The following LGR4 variants were observed in gnomAD, a reference collection of about 807,000 sequenced individuals.
LGR4 encodes the protein leucine-rich repeat-containing G protein-coupled receptor 4.
In LGR4, 44 loss-of-function variants were observed where a neutral mutation model predicts 84.8. The ratio of observed to expected loss-of-function variants is 0.52; its 90% CI spans 0.41 to 0.67. The LOEUF (loss-of-function observed/expected upper bound fraction) is 0.67. Ranked by LOEUF, LGR4 falls within the 30% of genes least tolerant of loss-of-function variation. The pLI, the probability that LGR4 is intolerant of heterozygous loss-of-function variation, is 0.00. For missense variants in LGR4, 1,032 were observed against 1,131.4 expected (o/e 0.91, Z 1.26); for synonymous variants, 429 against 434.3 (o/e 0.99, Z 0.15).
intron 4 of LGR4, 32 bp downstream of exon 4, chr11:27,391,061 CT>C: frequency 1.5e-6 from 2 of 1,309,684 alleles, no homozygotes; most frequent in African/African-American, 3.0e-5. Context: ...AGAGTAGTCT[CT>C]TGGTGAGTCA....
intron 2 of LGR4, among the ~76,000 whole-genome samples, chr11:27,406,900 A>G (rs973422457): frequency 6.6e-6 from 1 of 152,188 alleles, no homozygotes; most frequent in African/African-American, 2.4e-5. Context: ...ACGTTAAGTG[A>G]GTCAAACTTT....
chr11:27,368,167 C>T lies in LGR4; in HGVS notation c.2556G>A (p.Gln852=), dbSNP rs147891940. 4.2e-5 allele frequency: 67 copies of T among 1,614,098 alleles called. No individual in the cohort carries two copies. Among genetic ancestry groups the T allele is most frequent in the Non-Finnish European group, 7.6e-6 (9 of 1,180,050 alleles). ...YYDCGMYSHL[Q]GNLTVCDCCE... ...AGCAGTCGCAAACAGTCAGGTTGCC[C>T]TGCAAATGTGAGTACATGCCACAGT... Residue 852 remains glutamine, a synonymous_variant, in exon 18 of 18, where the codon CAG becomes CAA. Transcript: ENST00000379214.
chr11:27,439,465 A>G (rs979711505), intron 1 of LGR4, among the ~76,000 whole-genome samples: 3 of 152,172 alleles, frequency 2.0e-5, no homozygotes, highest in Admixed American at 1.3e-4. Flanking sequence ...TGTTTATCCA[A>G]TTACCCATCA....
chr11:27,385,176 A>G (rs1411037018), intron 5 of LGR4, 77 bp downstream of exon 5: 2 of 1,069,380 alleles, frequency 1.9e-6, no homozygotes, highest in Admixed American at 5.1e-5. Flanking sequence ...ATGCCTTGAT[A>G]ATAATCTGTC....
intron 1 of LGR4, among the ~76,000 whole-genome samples, chr11:27,421,625 T>G (rs1863925570): frequency 6.6e-6 from 1 of 152,156 alleles, no homozygotes; most frequent in South Asian, 2.1e-4. Flanking sequence ...AATTACAAAT[T>G]CTTAAAAGGG....
intron 2 of LGR4, among the ~76,000 whole-genome samples, chr11:27,396,562 C>T (rs189136510): frequency 3.0e-4 from 45 of 151,908 alleles, no homozygotes; most frequent in Non-Finnish European, 5.6e-4. Context: ...TAGGCAACTC[C>T]GGAGGAAAAA....
chr11:27,454,839 C>T (rs1004006321), intron 1 of LGR4, among the ~76,000 whole-genome samples: 4 of 151,276 alleles, frequency 2.6e-5, no homozygotes, highest in Non-Finnish European at 2.9e-5. Flanking sequence ...ACAATTTCAA[C>T]AAAGTACTGA....
intron 1 of LGR4, among the ~76,000 whole-genome samples, chr11:27,413,869 TA>T (rs1374789141): frequency 1.3e-5 from 2 of 152,158 alleles, no homozygotes; most frequent in East Asian, 3.9e-4. Flanking sequence ...AATTTTCTTT[TA>T]AAGGAGGCGA....
rs1200969103 is a variant in LGR4, at chr11:27,472,406, G to A, written c.-104C>T. ...GGGCAGCCGGCCTGCGGGCTGGAGC[G>A]GGGGTCTCTTCCTCGGCGGTCCGCG... On this transcript the variant is annotated 5_prime_UTR_variant, in exon 1 of 18. Coordinates refer to ENST00000379214, the MANE Select transcript of LGR4 (RefSeq NM_018490.5). The A allele has an allele frequency of 1.3e-5, 12 of 942,826 alleles. No homozygotes were observed. Among genetic ancestry groups the A allele is most frequent in the Non-Finnish European group, 1.6e-5 (12 of 731,336 alleles). The allele number at this position is 942,826 out of a possible 1,614,324, so 58.4% of individuals were successfully genotyped here.
chr11:27,373,616 T>G lies in LGR4; in HGVS notation c.1314A>C (p.Gln438His), dbSNP rs769672645. 6.2e-7 allele frequency: 1 copy of G among 1,603,956 alleles called. No individual in the cohort carries two copies. The highest frequency in any genetic ancestry group is 8.5e-7 in the Non-Finnish European group (1 of 1,173,668). The change falls in exon 15 of 18, where the codon CAA (glutamine) becomes CAC (histidine). Residue 438 changes from glutamine to histidine, a missense_variant. Coordinates refer to ENST00000379214, the MANE Select transcript of LGR4 (RefSeq NM_018490.5). Reference sequence around the variant, plus strand: ...GCTTGAAGTTGCCCACAAGTTTCAGTTGATTTAGCCCATTCAGGCCTTCCG... The same window carrying G: ...GCTTGAAGTTGCCCACAAGTTTCAGGTGATTTAGCCCATTCAGGCCTTCCG... ...FPTEGLNGLN[Q>H]LKLVGNFKLK...
chr11:27,436,995 A>G (rs1864223382), intron 1 of LGR4, among the ~76,000 whole-genome samples: 1 of 152,126 alleles, frequency 6.6e-6, no homozygotes, highest in Non-Finnish European at 1.5e-5. Flanking sequence ...TTGGTTACTA[A>G]CTAGTTTTAA....
intron 1 of LGR4, among the ~76,000 whole-genome samples, chr11:27,454,649 T>G (rs955258510): frequency 4.0e-5 from 6 of 151,208 alleles, no homozygotes; most frequent in African/African-American, 1.5e-4. Flanking sequence ...TAATCCCAGC[T>G]ACATCAGGGG....
At chr11:27,373,322 AG>A (rs1164806176) in intron 15 of LGR4, 10 of 364,076 alleles carry the variant, frequency 2.7e-5, no homozygotes, top group Non-Finnish European at 4.9e-5. Flanking sequence ...TCTGGTGAAT[AG>A]CTGTATTATC....
intron 4 of LGR4, among the ~76,000 whole-genome samples, chr11:27,386,358 T>C (rs1297501311): frequency 6.6e-6 from 1 of 152,228 alleles, no homozygotes; most frequent in African/African-American, 2.4e-5. Flanking sequence ...GGTATTAATA[T>C]GATGAGGGAC....
rs147503042 is a variant in LGR4 at position 27,438,610 on chromosome 11, A to C, written c.186-25750T>G. On this transcript the variant is annotated intron_variant, in intron 1 of 17. Coordinates refer to ENST00000379214, the MANE Select transcript of LGR4 (RefSeq NM_018490.5). ...GTTTCTGGATGAGATGATCATTGTAATCAGTAAACTGAGTAAACCAGATTG... is the reference window on the plus strand; with the variant it reads ...GTTTCTGGATGAGATGATCATTGTACTCAGTAAACTGAGTAAACCAGATTG... Among the ~76,000 whole-genome samples the C allele has an allele frequency of 3.2e-3, 481 of 152,314 alleles. 4 individuals carry two copies. Among genetic ancestry groups the C allele is most frequent in the African/African-American group, 0.011 (466 of 41,564 alleles).
intron 1 of LGR4, among the ~76,000 whole-genome samples, chr11:27,422,999 G>A (rs895010390): frequency 4.0e-5 from 6 of 151,882 alleles, no homozygotes; most frequent in Admixed American, 3.9e-4. Context: ...CATTAACATC[G>A]TGACATTTTT....
chr11:27,372,618 A>G (rs113951027), intron 15 of LGR4, among the ~76,000 whole-genome samples: 16 of 152,250 alleles, frequency 1.1e-4, no homozygotes, highest in African/African-American at 3.9e-4. Flanking sequence ...TTTCTATAAG[A>G]TCTCTCTTAA....
At chr11:27,424,621 G>GCTC (rs2133413216) in intron 1 of LGR4, among the ~76,000 whole-genome samples, 1 of 152,286 alleles carries the variant, frequency 6.6e-6, no homozygotes, top group South Asian at 2.1e-4. Flanking sequence ...AGCTCACGGA[G>GCTC]CTCATCACAG....
intron 2 of LGR4, among the ~76,000 whole-genome samples, chr11:27,400,532 T>C (rs1037720810): frequency 6.6e-6 from 1 of 151,510 alleles, no homozygotes; most frequent in Non-Finnish European, 1.5e-5. Flanking sequence ...AGAAGGAGTC[T>C]CACTCTGTCG....
Sources: gnomAD v4.1 joint callset for allele counts (sites outside exome capture counted in the v4.1 genomes callset) on GRCh38, gnomAD v4.1.1 for gene constraint, MANE v1.5 for transcripts, NCBI Gene and HGNC (gene_info 2026-07-23, HGNC 2026-07-21) for gene names.